DNAH12: variants seen among roughly 807,000 people sequenced by gnomAD.
The protein encoded by DNAH12 is dynein axonemal heavy chain 12.
A neutral mutation model predicts 371.5 loss-of-function variants in DNAH12; 285 were observed. That is an observed-to-expected ratio of 0.77 (90% CI 0.70 to 0.85). The LOEUF is 0.85. DNAH12 is among the 40% of genes least tolerant of loss of function. The pLI is 0.00. For synonymous variants in DNAH12, 1,200 were observed against 1,213.0 expected (o/e 0.99, Z 0.22); for missense variants, 3,611 against 3,689.4 (o/e 0.98, Z 0.55).
In DNAH12 at chr3:57,458,123, T is replaced by C. The variant is rs2065954230; in HGVS notation, c.3029A>G (p.Glu1010Gly). 6.5e-7 allele frequency: 1 copy of C among 1,546,042 alleles called. No homozygotes were observed. Among genetic ancestry groups the C allele is most frequent in the Admixed American group, 2.0e-5 (1 of 49,572 alleles). The change falls in exon 21 of 74, where the codon GAA becomes GGA. Residue 1010 changes from glutamate to glycine, a missense_variant. This residue lies in a region of DNAH12 where 1,314 missense variants were observed against 1,398.7 expected (regional missense o/e 0.94). Transcript: ENST00000495027. ...CCGAGGGAAGAAAAGACGTTTCTTT[T>C]CAAGATATGCGTTAAGACCTTTCAT... ...KIMKGLNAYL[E>G]KKRLFFPRFF...
At position 57,445,168 on chromosome 3, in the gene DNAH12, A is replaced by G; in HGVS notation, c.4425+6T>C. The G allele has an allele frequency of 6.5e-7, 1 of 1,532,704 alleles. No homozygotes were observed. The highest frequency in any genetic ancestry group is 8.8e-7 in the Non-Finnish European group (1 of 1,136,498). 94.9% of individuals were successfully genotyped at this position (1,532,704 alleles called of 1,614,324 possible). A position where few individuals can be genotyped will look rare whatever the true frequency, so the allele number is the denominator to read the frequency against. On this transcript the variant is annotated splice_donor_region_variant and intron_variant, in intron 28 of 73. Coordinates refer to ENST00000495027, the MANE Select transcript of DNAH12 (RefSeq NM_001366028.2). Reference sequence around the variant, plus strand: ...AACTTTCCCAATGTGTATATTTAATACTTACAAGTATATCTTCATTTTCAT... The same window carrying G: ...AACTTTCCCAATGTGTATATTTAATGCTTACAAGTATATCTTCATTTTCAT...
the DNAH12 span, among the ~76,000 whole-genome samples, chr3:57,554,155 T>C: frequency 8.7e-6 from 1 of 114,726 alleles, no homozygotes; most frequent in African/African-American, 4.7e-5. Context: ...GACATGGCAG[T>C]GCACACCTGT....
chr3:57,471,417 G>A, intron 15 of DNAH12, 55 bp downstream of exon 15: 1 of 1,418,406 alleles, frequency 7.1e-7, no homozygotes, highest in Non-Finnish European at 9.2e-7. Context: ...ATGTTAACAT[G>A]TCCTATATGA....
chr3:57,360,802 T>C (rs2062910319), intron 58 of DNAH12, among the ~76,000 whole-genome samples: 1 of 152,270 alleles, frequency 6.6e-6, no homozygotes, highest in South Asian at 2.1e-4. Context: ...GCTTTCTTTT[T>C]ATTTTTTAAT....
chr3:57,344,064 C>T (rs539722171), intron 60 of DNAH12, among the ~76,000 whole-genome samples: 2 of 152,224 alleles, frequency 1.3e-5, no homozygotes, highest in East Asian at 1.9e-4. Flanking sequence ...AGGTCGATGC[C>T]GGTGCAGGTC....
chr3:57,307,610 A>T (rs2061498753), intron 69 of DNAH12, among the ~76,000 whole-genome samples: 1 of 152,102 alleles, frequency 6.6e-6, no homozygotes, highest in South Asian at 2.1e-4. Flanking sequence ...CATAATTTCC[A>T]AAATCTATTT....
At chr3:57,540,635 TA>T (rs2069238982) in intron 2 of DNAH12, among the ~76,000 whole-genome samples, 1 of 151,480 alleles carries the variant, frequency 6.6e-6, no homozygotes, top group Non-Finnish European at 1.5e-5. Flanking sequence ...AGTTATGGAG[TA>T]AAAACAATCT....
intron 13 of DNAH12, among the ~76,000 whole-genome samples, chr3:57,474,915 G>T (rs1350586416): frequency 6.6e-6 from 1 of 151,570 alleles, no homozygotes; most frequent in African/African-American, 2.4e-5. Context: ...GGCAGAGGTT[G>T]CAGTGAGCTG....
At chr3:57,349,738 G>A (rs530255700) in intron 60 of DNAH12, among the ~76,000 whole-genome samples, 50 of 152,298 alleles carry the variant, frequency 3.3e-4, no homozygotes, top group African/African-American at 1.2e-3. Context: ...AGCTCAAGCT[G>A]GAATGCAGTG....
In DNAH12 at chr3:57,542,781, T is replaced by A; in HGVS notation, c.90A>T (p.Ile30=). 1 of 1,611,838 alleles carries A rather than the reference T, an allele frequency of 6.2e-7. No individual in the cohort carries two copies. Among genetic ancestry groups the A allele is most frequent in the Non-Finnish European group, 8.5e-7 (1 of 1,179,158 alleles). Residue 30 remains isoleucine (I), a synonymous_variant, in exon 2 of 74, where the codon ATA becomes ATT. Coordinates refer to ENST00000495027, the MANE Select transcript of DNAH12 (RefSeq NM_001366028.2). ...TACTTTGTGTTGGTGTATCAACGCC[T>A]ATGTTTTCTGGGAGATGGACAATGG... ...LPPIVHLPEN[I]GVDTPTQSKL...
intron 29 of DNAH12, among the ~76,000 whole-genome samples, chr3:57,440,982 C>T (rs1559661774): frequency 6.6e-6 from 1 of 151,786 alleles, no homozygotes; most frequent in Non-Finnish European, 1.5e-5. Context: ...AGAGCAAGAC[C>T]CTAACTCTAA....
intron 1 of DNAH12, among the ~76,000 whole-genome samples, chr3:57,543,748 T>G (rs1370969697): frequency 6.6e-6 from 1 of 151,040 alleles, no homozygotes; most frequent in African/African-American, 2.4e-5. Flanking sequence ...ATGTAAATGC[T>G]CAAAAATTTT....
chr3:57,402,108 A>G (rs1323606671), intron 43 of DNAH12, among the ~76,000 whole-genome samples: 1 of 152,206 alleles, frequency 6.6e-6, no homozygotes, highest in Non-Finnish European at 1.5e-5. Flanking sequence ...GTTTTCCTCT[A>G]AAGTGTAAGC....
intron 59 of DNAH12, among the ~76,000 whole-genome samples, chr3:57,356,489 A>T (rs1260568963): frequency 7.1e-6 from 1 of 140,698 alleles, no homozygotes; most frequent in East Asian, 2.0e-4. Context: ...ATAAATAAAT[A>T]AAATAAAGAA....
At chr3:57,358,465 T>C (rs1026897149) in intron 58 of DNAH12, among the ~76,000 whole-genome samples, 32 of 152,172 alleles carry the variant, frequency 2.1e-4, no homozygotes, top group Non-Finnish European at 3.2e-4. Context: ...TCTGGATGTA[T>C]GTCCTATAAT....
In DNAH12 at chr3:57,334,775, C is replaced by T; in HGVS notation, c.9833+7G>A. On this transcript the variant is annotated splice_region_variant and intron_variant, in intron 61 of 73. Coordinates refer to ENST00000495027, the MANE Select transcript of DNAH12 (RefSeq NM_001366028.2). The stretch of plus-strand genomic sequence containing the variant: ...TCAATGATAAATCATCGAATTTAAA[C>T]AATCACCTGAGTCCTCTGAAGGCAG... 6.5e-7 allele frequency: 1 copy of T among 1,537,412 alleles called. No homozygotes were observed. Among genetic ancestry groups the T allele is most frequent in the Non-Finnish European group, 8.7e-7 (1 of 1,143,208 alleles).
At position 57,375,894 on chromosome 3, in the gene DNAH12, C is replaced by T; in HGVS notation, c.8537G>A (p.Gly2846Glu). ...GAAAGCACCAAGGTAAGCTATTACT[C>T]CTGCTGATACTAAGACATCGCCAGT... ...NLTGDVLVSA[G>E]VIAYLGAFTS... The change falls in exon 54 of 74, where the codon GGA (glycine) becomes GAA (glutamate). Residue 2846 changes from glycine to glutamate, a missense_variant. By Grantham distance (98) the Gly-to-Glu change is moderately conservative (BLOSUM62 -2). This residue lies in a region of DNAH12 where 2,266 missense variants were observed against 2,236.9 expected (regional missense o/e 1.01). Transcript: ENST00000495027. 6.6e-6 allele frequency: 1 copy of T among 152,220 alleles called. No homozygotes were observed. The highest frequency in any genetic ancestry group is 2.4e-5 in the African/African-American group (1 of 41,542). 9.4% of individuals were successfully genotyped at this position (152,220 alleles called of 1,614,324 possible).
chr3:57,448,448 T>C (rs1019578568), intron 25 of DNAH12, among the ~76,000 whole-genome samples: 2 of 151,360 alleles, frequency 1.3e-5, no homozygotes, highest in African/African-American at 4.9e-5. Context: ...ACGTCTGGAG[T>C]TGTTCGTTCC....
At chr3:57,477,103 G>T (rs1170151574) in intron 13 of DNAH12, among the ~76,000 whole-genome samples, 1 of 152,174 alleles carries the variant, frequency 6.6e-6, no homozygotes, top group Admixed American at 6.5e-5. Context: ...AGCGCACTGA[G>T]CATGAGCCAA....
Sources: allele counts gnomAD v4.1 joint callset (sites outside exome capture counted in the v4.1 genomes callset), GRCh38; gene constraint gnomAD v4.1.1; regional missense constraint gnomAD v4.1.1; transcripts MANE v1.5; gene names NCBI Gene and HGNC (gene_info 2026-07-23, HGNC 2026-07-21).